WASHC5: variants seen among roughly 807,000 people sequenced by gnomAD.
The protein encoded by WASHC5 is WASH complex subunit 5.
WASHC5 carries 101 observed loss-of-function variants against 150.4 expected under a neutral mutation model. The observed-to-expected ratio is 0.67, with a 90% CI of 0.57 to 0.79. WASHC5 has a LOEUF of 0.79. Among genes scored for constraint, WASHC5 ranks in the 30% least tolerant of loss-of-function variants. WASHC5 has a pLI of 0.00. For synonymous variants in WASHC5, 467 were observed against 491.2 expected (o/e 0.95, Z 0.65); for missense variants, 1,195 against 1,396.3 (o/e 0.86, Z 2.30).
intron 1 of WASHC5, among the ~76,000 whole-genome samples, chr8:125,084,688 T>C (rs1228678320): frequency 1.3e-5 from 2 of 152,246 alleles, no homozygotes; most frequent in African/African-American, 4.8e-5. Flanking sequence ...AATATTATCG[T>C]TGCTTACAGC....
chr8:125,058,727 A>G (rs1816494313), intron 14 of WASHC5, among the ~76,000 whole-genome samples: 1 of 147,344 alleles, frequency 6.8e-6, no homozygotes, highest in South Asian at 2.2e-4. Context: ...CATCTCAAAA[A>G]AAAAAAGAAG....
rs1466285932 is a variant in WASHC5, at chr8:125,078,833, T to G, written c.616A>C (p.Asn206His). 1 of 1,613,980 alleles carries G rather than the reference T, an allele frequency of 6.2e-7. No individual in the cohort carries two copies. Among genetic ancestry groups the G allele is most frequent in the Non-Finnish European group, 8.5e-7 (1 of 1,179,910 alleles). Reference protein sequence around the residue: ...SSQPGAKRPSNYPESYFQRVP... With the variant: ...SSQPGAKRPSHYPESYFQRVP... ...CTCTGGAAATAGCTCTCGGGATAGT[T>G]GGATGGTCTTTTGGCACCTGGTTGG... Residue 206 changes from asparagine to histidine, a missense_variant, in exon 6 of 29, where the codon AAC becomes CAC. By Grantham distance (68) the Asn-to-His change is moderately conservative (BLOSUM62 1). Coordinates refer to ENST00000318410, the MANE Select transcript of WASHC5 (RefSeq NM_014846.4).
chr8:125,076,274 G>T, intron 7 of WASHC5, 74 bp downstream of exon 7: 1 of 1,422,920 alleles, frequency 7.0e-7, no homozygotes, highest in Non-Finnish European at 9.9e-7. Context: ...CAACCTGTGG[G>T]TTAAAGGCCA....
intron 1 of WASHC5, among the ~76,000 whole-genome samples, chr8:125,087,684 G>A (rs557957114): frequency 3.4e-5 from 5 of 147,618 alleles, no homozygotes; most frequent in Admixed American, 1.4e-4. Flanking sequence ...AGTGAGCCAT[G>A]ATCGTGCCAC....
chr8:125,040,807 T>C (rs987039539), intron 23 of WASHC5: 1 of 152,228 alleles, frequency 6.6e-6, no homozygotes, highest in Non-Finnish European at 1.5e-5. Flanking sequence ...CTTTCCTTTA[T>C]AAATTACCCA....
chr8:125,084,423 G>C (rs985012993), intron 1 of WASHC5, among the ~76,000 whole-genome samples: 1 of 152,172 alleles, frequency 6.6e-6, no homozygotes, highest in African/African-American at 2.4e-5. Flanking sequence ...ATCATTTTGA[G>C]GCATTTGTCC....
intron 27 of WASHC5, among the ~76,000 whole-genome samples, chr8:125,029,030 C>T (rs369705366): frequency 1.6e-5 from 2 of 122,846 alleles, no homozygotes; most frequent in Non-Finnish European, 3.7e-5. Flanking sequence ...TCCCTGCACA[C>T]TTTTTTTTTT....
At chr8:125,067,249 C>G (rs1816768424) in intron 10 of WASHC5, among the ~76,000 whole-genome samples, 3 of 152,140 alleles carry the variant, frequency 2.0e-5, no homozygotes, top group South Asian at 4.1e-4. Context: ...AACTCCTGAC[C>G]TCAGGTGATC....
intron 1 of WASHC5, among the ~76,000 whole-genome samples, chr8:125,085,351 T>C (rs79274725): frequency 0.03 from 4,637 of 152,280 alleles, 249 homozygotes; most frequent in African/African-American, 0.1. Context: ...AAGAATGACC[T>C]ATTTTAGTAT....
rs1227156627 is a variant in WASHC5 at position 125,091,676 on chromosome 8, C to A, written c.-186G>T. The A allele has an allele frequency of 6.6e-6, 1 of 152,510 alleles. No individual in the cohort carries two copies. The highest frequency in any genetic ancestry group is 1.5e-5 in the Non-Finnish European group (1 of 68,292). The allele number at this position is 152,510 out of a possible 1,614,324, so 9.4% of individuals were successfully genotyped here. On this transcript the variant is annotated 5_prime_UTR_variant, in exon 1 of 29. Coordinates refer to ENST00000318410, the MANE Select transcript of WASHC5 (RefSeq NM_014846.4). ...CCGGAGGTCGCGCGCGGAGCCGGCA[C>A]CCAGTTTCCACCCCTCCCTCAAGGC...
Position 125,083,183 on chromosome 8 carries a change from T to C in WASHC5, c.262A>G (p.Asn88Asp), listed in dbSNP as rs1817322559. ...QDLDEEFREN[N>D]IEIVTRFYLA... ...TAAAATCTGGTCACAATTTCTATGT[T>C]GTTTTCACGAAATTCTTCATCTAAA... Residue 88 changes from asparagine (N) to aspartate (D), a missense_variant, in exon 3 of 29, where the codon AAC becomes GAC. This residue lies in a region of WASHC5 where 195 missense variants were observed against 206.9 expected (regional missense o/e 0.94). Coordinates refer to ENST00000318410, the MANE Select transcript of WASHC5 (RefSeq NM_014846.4). 1 of 1,604,594 alleles carries C rather than the reference T, an allele frequency of 6.2e-7. No homozygotes were observed. The highest frequency in any genetic ancestry group is 8.5e-7 in the Non-Finnish European group (1 of 1,171,804).
intron 17 of WASHC5, among the ~76,000 whole-genome samples, chr8:125,052,609 T>TACACACACACACACACACAC (rs34684600): frequency 3.1e-4 from 44 of 141,844 alleles, no homozygotes; most frequent in East Asian, 1.2e-3. Flanking sequence ...TCACACACAC[T>TACACACACACACACACACAC]ACACACACAC....
intron 1 of WASHC5, among the ~76,000 whole-genome samples, chr8:125,089,649 T>G (rs1234784686): frequency 6.6e-6 from 1 of 152,160 alleles, no homozygotes; most frequent in African/African-American, 2.4e-5. Context: ...ACTTGCCCTT[T>G]ACTCTACTCT....
intron 28 of WASHC5, among the ~76,000 whole-genome samples, chr8:125,028,206 C>G (rs1586328831): frequency 6.6e-6 from 1 of 152,218 alleles, no homozygotes; most frequent in East Asian, 1.9e-4. Flanking sequence ...TTTTTGGAAA[C>G]AGTGCTCATA....
intron 20 of WASHC5, among the ~76,000 whole-genome samples, chr8:125,046,785 G>C (rs1039374665): frequency 6.6e-6 from 1 of 152,118 alleles, no homozygotes; most frequent in Non-Finnish European, 1.5e-5. Context: ...GTGGAGACAG[G>C]GGGGCGGGGG....
At chr8:125,083,690 A>T in intron 2 of WASHC5, 23 bp downstream of exon 2, 1 of 1,569,066 alleles carries the variant, frequency 6.4e-7, no homozygotes, top group Non-Finnish European at 8.8e-7. Context: ...GACAACAATA[A>T]AAATGCTATA....
At chr8:125,025,250 G>A (rs1034128287) in intron 28 of WASHC5, among the ~76,000 whole-genome samples, 5 of 144,380 alleles carry the variant, frequency 3.5e-5, no homozygotes, top group Non-Finnish European at 5.9e-5. Context: ...TTTAGAAGCA[G>A]TGTTTAATTT....
Position 125,086,689 on chromosome 8 carries a change from T to C in WASHC5, c.-124-2667A>G, listed in dbSNP as rs774492364. On this transcript the variant is annotated intron_variant, in intron 1 of 28. Transcript: ENST00000318410. ...CCAAAGAATACTGTAGAATTAACTC[T>C]CTACCAATTCCAGGCCTAAGCCTTG... Among the ~76,000 whole-genome samples the C allele has an allele frequency of 4.0e-4, 61 of 152,230 alleles. 1 individual carries two copies. The highest frequency in any genetic ancestry group is 2.1e-4 in the South Asian group (1 of 4,832).
intron 23 of WASHC5, 77 bp from the exon 24 acceptor site, chr8:125,039,975 T>C: frequency 2.2e-6 from 2 of 913,894 alleles, no homozygotes; most frequent in Non-Finnish European, 3.5e-6. Context: ...AACACAAAGA[T>C]GACAATTCTT....
Sources: gnomAD v4.1 joint callset for allele counts (sites outside exome capture counted in the v4.1 genomes callset) on GRCh38, gnomAD v4.1.1 for gene constraint, gnomAD v4.1.1 regional missense constraint, MANE v1.5 for transcripts, NCBI Gene and HGNC (gene_info 2026-07-23, HGNC 2026-07-21) for gene names.